Variants in NCOA2 observed in about 807,000 individuals in gnomAD.
The protein encoded by NCOA2 is class E basic helix-loop-helix protein 75.
NCOA2 carries 21 observed loss-of-function variants against 145.1 expected under a neutral mutation model. The ratio of observed to expected loss-of-function variants is 0.14; its 90% CI spans 0.10 to 0.21. The LOEUF (loss-of-function observed/expected upper bound fraction) is 0.21, where lower values mean the gene tolerates loss of function less well. Ranked by LOEUF, NCOA2 falls within the 10% of genes least tolerant of loss-of-function variation. NCOA2 has a pLI of 1.00. For missense variants in NCOA2, 1,472 were observed against 1,837.6 expected (o/e 0.80, Z 3.64); for synonymous variants, 619 against 637.5 (o/e 0.97, Z 0.44).
chr8:70,177,675 T>C (rs1815023051), intron 4 of NCOA2, among the ~76,000 whole-genome samples: 1 of 152,190 alleles, frequency 6.6e-6, no homozygotes, highest in Non-Finnish European at 1.5e-5. Flanking sequence ...GCATCTCATA[T>C]TCTCTCAGGA....
intron 1 of NCOA2, among the ~76,000 whole-genome samples, chr8:70,370,205 A>C (rs892946025): frequency 3.3e-5 from 5 of 152,140 alleles, no homozygotes; most frequent in Non-Finnish European, 7.4e-5. Context: ...ATATTTAAAA[A>C]CACGCAAAGA....
chr8:70,152,994 GA>G (rs1363361387), intron 11 of NCOA2, among the ~76,000 whole-genome samples: 3 of 152,182 alleles, frequency 2.0e-5, no homozygotes, highest in South Asian at 4.1e-4. Context: ...CCTGTATTTG[GA>G]AACAGTGAAG....
At chr8:70,148,962 T>C (rs938590849) in intron 11 of NCOA2, among the ~76,000 whole-genome samples, 11 of 152,090 alleles carry the variant, frequency 7.2e-5, no homozygotes, top group African/African-American at 2.7e-4. Context: ...CAAACAGTCA[T>C]TTCCCTTCAG....
the NCOA2 span, among the ~76,000 whole-genome samples, chr8:70,421,376 C>T: frequency 7.2e-5 from 11 of 151,904 alleles, no homozygotes; most frequent in Non-Finnish European, 1.6e-4. Context: ...CATAGCGAGA[C>T]CCCCATCTCT....
chr8:70,166,104 G>A (rs562945810), intron 7 of NCOA2, among the ~76,000 whole-genome samples: 10 of 152,312 alleles, frequency 6.6e-5, no homozygotes, highest in African/African-American at 2.2e-4. Context: ...TTACAGGCGT[G>A]AGCCACCGTG....
intron 1 of NCOA2, among the ~76,000 whole-genome samples, chr8:70,380,285 A>G (rs910828608): frequency 2.0e-5 from 3 of 152,202 alleles, no homozygotes; most frequent in African/African-American, 7.2e-5. Flanking sequence ...ATACTTTTGT[A>G]AGATGAGATC....
At chr8:70,196,760 A>T (rs1351291833) in intron 4 of NCOA2, among the ~76,000 whole-genome samples, 1 of 152,260 alleles carries the variant, frequency 6.6e-6, no homozygotes, top group Non-Finnish European at 1.5e-5. Flanking sequence ...TCTGTGGAAC[A>T]ACATTTTCTG....
chr8:70,281,744 C>T (rs1457022897), intron 2 of NCOA2, among the ~76,000 whole-genome samples: 1 of 152,184 alleles, frequency 6.6e-6, no homozygotes, highest in Non-Finnish European at 1.5e-5. Flanking sequence ...TCAAGAGCTG[C>T]TCACAGTACC....
chr8:70,429,765 CAA>C, the NCOA2 span, among the ~76,000 whole-genome samples: 1 of 152,166 alleles, frequency 6.6e-6, no homozygotes, highest in Admixed American at 6.5e-5. Context: ...AAGATATCAG[CAA>C]AAGTGATTTG....
chr8:70,387,929 A>G (rs1812821339), intron 1 of NCOA2, among the ~76,000 whole-genome samples: 1 of 152,208 alleles, frequency 6.6e-6, no homozygotes, highest in Non-Finnish European at 1.5e-5. Flanking sequence ...AGGAAAGGCC[A>G]GGCATGCAGG....
chr8:70,145,669 A>T lies in NCOA2; in HGVS notation c.2606-821T>A, dbSNP rs2131942348. Among the ~76,000 whole-genome samples the T allele has an allele frequency of 1.5e-5, 2 of 136,570 alleles. 1 individual carries two copies. The highest frequency in any genetic ancestry group is 1.6e-4 in the Admixed American group (2 of 12,734). 89.6% of individuals were successfully genotyped at this position (136,570 alleles called of 152,430 possible). ...GGTCTCACTCTGTTGTGCCAGCTGG[A>T]GTGTAGCAGCACAATTGTAGTTAAC... On this transcript the variant is annotated intron_variant, in intron 12 of 22. Transcript: ENST00000452400.
chr8:70,129,289 T>C (rs998208398), intron 16 of NCOA2, among the ~76,000 whole-genome samples: 2 of 152,106 alleles, frequency 1.3e-5, no homozygotes, highest in African/African-American at 4.8e-5. Flanking sequence ...ACCAATCATA[T>C]TGGCCTGGAC....
intron 4 of NCOA2, among the ~76,000 whole-genome samples, chr8:70,186,079 A>ACT (rs759989274): frequency 6.7e-6 from 1 of 149,290 alleles, no homozygotes; most frequent in Admixed American, 6.7e-5. Context: ...ACACTCTCTC[A>ACT]CTCTCTCTCT....
At chr8:70,391,398 T>C (rs1478127690) in intron 1 of NCOA2, among the ~76,000 whole-genome samples, 1 of 152,218 alleles carries the variant, frequency 6.6e-6, no homozygotes, top group Non-Finnish European at 1.5e-5. Context: ...AGACGGTAAA[T>C]GTCTCATGGT....
intron 4 of NCOA2, among the ~76,000 whole-genome samples, chr8:70,196,174 G>C (rs571835419): frequency 1.3e-5 from 2 of 152,076 alleles, no homozygotes; most frequent in Non-Finnish European, 2.9e-5. Flanking sequence ...TCAGGAGTTC[G>C]AGACCAGCCT....
Position 70,224,087 on chromosome 8 carries a change from G to A in NCOA2, c.-19-7323C>T, listed in dbSNP as rs116906026. On this transcript the variant is annotated intron_variant, in intron 2 of 22. Transcript: ENST00000452400. ...TCCAGGCACTGCTGCAGACACTGGA[G>A]AGAAAGTCATGACAAAACAGCTAAC... 3.5e-3 allele frequency among the ~76,000 whole-genome samples: 535 copies of A among 152,308 alleles called. 1 individual carries two copies. Among genetic ancestry groups the A allele is most frequent in the Non-Finnish European group, 6.5e-3 (441 of 68,026 alleles).
intron 6 of NCOA2, among the ~76,000 whole-genome samples, chr8:70,169,750 A>G (rs1445051545): frequency 6.6e-6 from 1 of 152,194 alleles, no homozygotes; most frequent in Non-Finnish European, 1.5e-5. Flanking sequence ...CCTACTATGT[A>G]TGCACAAAAA....
Position 70,177,304 on chromosome 8 carries a change from C to T in NCOA2, c.260-2445G>A, listed in dbSNP as rs544339039. ...TAGGAGGATATCCCCATTCTCCTGC[C>T]TCCTACAGTGTGACACACAGTCCAC... On this transcript the variant is annotated intron_variant, in intron 4 of 22. Transcript: ENST00000452400. Among the ~76,000 whole-genome samples the T allele has an allele frequency of 2.0e-5, 3 of 152,312 alleles. No homozygotes were observed. The East Asian group carries it at 5.8e-4, about 29-fold the overall frequency.
rs1392879723 is a variant in NCOA2, at chr8:70,149,023, G to T, written c.2395-540C>A. 3.3e-5 allele frequency among the ~76,000 whole-genome samples: 5 copies of T among 151,702 alleles called. No individual in the cohort carries two copies. The East Asian group carries it at 9.7e-4, about 30-fold the overall frequency. On this transcript the variant is annotated intron_variant, in intron 11 of 22. Transcript: ENST00000452400. ...AGAACACAGGGGTGGGGAGAGAGAA[G>T]CAAAATAAGCTTGAAGCATCCATGA...
Sources: gnomAD v4.1 joint callset for allele counts (sites outside exome capture counted in the v4.1 genomes callset) on GRCh38, gnomAD v4.1.1 for gene constraint, MANE v1.5 for transcripts, NCBI Gene and HGNC (gene_info 2026-07-23, HGNC 2026-07-21) for gene names.